ITGA1: variants seen among roughly 807,000 people sequenced by gnomAD.
The protein encoded by ITGA1 is integrin alpha-1.
Under a neutral mutation model 145.9 loss-of-function variants are expected in ITGA1, and 85 were observed. The observed-to-expected ratio is 0.58, with a 90% CI of 0.49 to 0.70. The LOEUF is 0.70. Ranked by LOEUF, ITGA1 falls within the 30% of genes least tolerant of loss-of-function variation. The pLI is 0.00. For synonymous variants in ITGA1, 520 were observed against 495.3 expected (o/e 1.05, Z -0.66); for missense variants, 1,351 against 1,418.7 (o/e 0.95, Z 0.77).
intron 2 of ITGA1, among the ~76,000 whole-genome samples, chr5:52,858,805 T>A (rs138258355): frequency 9.2e-5 from 14 of 152,302 alleles, no homozygotes; most frequent in African/African-American, 3.4e-4. Context: ...TAATAAGAAC[T>A]AACATTTAGA....
At position 52,955,586 on chromosome 5, in the gene ITGA1, AGAAG is replaced by A. The variant is rs1751292786; in HGVS notation, c.*3142_*3145del. 6.6e-6 allele frequency: 1 copy of A among 152,180 alleles called. No homozygotes were observed. Among genetic ancestry groups the A allele is most frequent in the African/African-American group, 2.4e-5 (1 of 41,446 alleles). 9.4% of individuals were successfully genotyped at this position (152,180 alleles called of 1,614,324 possible). A position where few individuals can be genotyped will look rare whatever the true frequency, so the allele number is the denominator to read the frequency against. On this transcript the variant is annotated 3_prime_UTR_variant, in exon 29 of 29. Coordinates refer to ENST00000282588, the MANE Select transcript of ITGA1 (RefSeq NM_181501.2). ...TAATAAAATGTTATGAACTTGCAGGAGAAGGAAGGAGTTGAAAGAAGGAAAATAT... is the reference window on the plus strand; with the variant it reads ...TAATAAAATGTTATGAACTTGCAGGAGAAGGAGTTGAAAGAAGGAAAATAT...
intron 6 of ITGA1, among the ~76,000 whole-genome samples, chr5:52,881,358 C>T (rs539724794): frequency 8.5e-5 from 13 of 152,248 alleles, no homozygotes; most frequent in East Asian, 1.9e-4. Flanking sequence ...CCTGTATGGA[C>T]GCTCTGCCCT....
chr5:52,925,221 T>C (rs73754069), intron 18 of ITGA1, 57 bp from the exon 19 acceptor site: 31,568 of 1,313,194 alleles, frequency 0.024, 1,599 homozygotes, highest in African/African-American at 0.19. Context: ...AATTGATGGG[T>C]AATTTTCAAC....
chr5:52,813,181 A>G (rs1436720001), intron 1 of ITGA1, among the ~76,000 whole-genome samples: 1 of 152,140 alleles, frequency 6.6e-6, no homozygotes, highest in Non-Finnish European at 1.5e-5. Flanking sequence ...GGAGGTCCTG[A>G]CTCTGCTTAT....
At chr5:52,872,562 C>T (rs548607214) in intron 6 of ITGA1, among the ~76,000 whole-genome samples, 1 of 131,612 alleles carries the variant, frequency 7.6e-6, no homozygotes, top group African/African-American at 2.6e-5. Flanking sequence ...TCCCCTTACA[C>T]CCGCCTCAGT....
chr5:52,895,488 CTAAGA>C (rs1750210693), intron 9 of ITGA1, among the ~76,000 whole-genome samples: 1 of 152,052 alleles, frequency 6.6e-6, no homozygotes, highest in African/African-American at 2.4e-5. Context: ...ATAACATGGG[CTAAGA>C]TATGATAGAA....
chr5:52,843,731 A>G (rs919696590), intron 1 of ITGA1, among the ~76,000 whole-genome samples: 26 of 152,184 alleles, frequency 1.7e-4, no homozygotes, highest in Non-Finnish European at 3.1e-4. Flanking sequence ...TTTATTAATC[A>G]GACCAACTCA....
intron 11 of ITGA1, among the ~76,000 whole-genome samples, chr5:52,901,196 G>C (rs911778290): frequency 6.6e-6 from 1 of 152,172 alleles, no homozygotes; most frequent in Admixed American, 6.5e-5. Flanking sequence ...ATGCAGTGTT[G>C]TTGGCTTTAA....
At chr5:52,951,717 G>A (rs7703316) in intron 28 of ITGA1, among the ~76,000 whole-genome samples, 79,361 of 151,730 alleles carry the variant, frequency 0.52, 21,319 homozygotes, top group Middle Eastern at 0.59. Flanking sequence ...TATGGTCATC[G>A]ATCATTTGAT....
At chr5:52,887,480 G>T (rs1254291808) in intron 7 of ITGA1, among the ~76,000 whole-genome samples, 1 of 152,172 alleles carries the variant, frequency 6.6e-6, no homozygotes, top group Non-Finnish European at 1.5e-5. Context: ...GGAGCACCTG[G>T]GGGAGTGTTT....
intron 19 of ITGA1, among the ~76,000 whole-genome samples, chr5:52,925,728 CTG>C (rs1332173715): frequency 5.9e-5 from 9 of 152,120 alleles, no homozygotes; most frequent in African/African-American, 1.9e-4. Flanking sequence ...TGTATAAAAA[CTG>C]TGTGTTTCAT....
rs527897063 is a variant in ITGA1, at chr5:52,868,980, C to A, written c.624+3163C>A. ...GGGTAATAGTGGGGAAGATGACAGA[C>A]AAGGGTGATGCCTTAATGGTGCTTC... On this transcript the variant is annotated intron_variant, in intron 6 of 28. Transcript: ENST00000282588. 8.5e-5 allele frequency among the ~76,000 whole-genome samples: 13 copies of A among 152,250 alleles called. No homozygotes were observed. In the East Asian group the frequency reaches 2.3e-3, roughly 27 times the overall value.
intron 14 of ITGA1, among the ~76,000 whole-genome samples, chr5:52,911,092 T>C (rs1363483390): frequency 4.3e-4 from 58 of 135,786 alleles, no homozygotes; most frequent in African/African-American, 1.5e-3. Flanking sequence ...ATATATAGTG[T>C]ATATATAGTG....
intron 23 of ITGA1, among the ~76,000 whole-genome samples, chr5:52,935,748 A>G (rs1440809509): frequency 6.6e-6 from 1 of 152,230 alleles, no homozygotes. Context: ...CCATAGCATA[A>G]TACATTTTAC....
At chr5:52,890,410 A>G (rs1750127870) in intron 8 of ITGA1, among the ~76,000 whole-genome samples, 1 of 152,202 alleles carries the variant, frequency 6.6e-6, no homozygotes, top group African/African-American at 2.4e-5. Context: ...GTTTTTAAAA[A>G]TTGAAGTGAT....
intron 1 of ITGA1, among the ~76,000 whole-genome samples, chr5:52,825,697 A>G (rs1748949586): frequency 6.6e-6 from 1 of 152,166 alleles, no homozygotes; most frequent in Non-Finnish European, 1.5e-5. Flanking sequence ...ACACAGGCAG[A>G]TCACAAGGTC....
In ITGA1 at chr5:52,944,984, T is replaced by G. The variant is rs1262454761; in HGVS notation, c.3327T>G (p.Leu1109=). Residue 1109 remains leucine, a synonymous_variant, in exon 27 of 29, where the codon CTT becomes CTG. Coordinates refer to ENST00000282588, the MANE Select transcript of ITGA1 (RefSeq NM_181501.2). ...SSLNLTIRGE[L]RSENASLVLS... The stretch of plus-strand genomic sequence containing the variant: ...TAAATCTTACTATAAGGGGAGAACT[T>G]CGGAGTGAAAATGCATCTCTGGTTT... 1 of 1,613,476 alleles carries G rather than the reference T, an allele frequency of 6.2e-7. No individual in the cohort carries two copies. The highest frequency in any genetic ancestry group is 2.2e-5 in the East Asian group (1 of 44,788).
intron 10 of ITGA1, 49 bp from the exon 11 acceptor site, chr5:52,898,190 C>G: frequency 8.1e-7 from 1 of 1,236,870 alleles, no homozygotes; most frequent in South Asian, 1.8e-5. Flanking sequence ...TAAGTATTTC[C>G]CCTTATTATT....
intron 27 of ITGA1, among the ~76,000 whole-genome samples, chr5:52,946,181 T>C (rs1013614944): frequency 6.6e-6 from 1 of 152,212 alleles, no homozygotes; most frequent in African/African-American, 2.4e-5. Flanking sequence ...AAGTCACTGA[T>C]CTTATCTAGA....
Sources: allele counts gnomAD v4.1 joint callset (sites outside exome capture counted in the v4.1 genomes callset), GRCh38; gene constraint gnomAD v4.1.1; transcripts MANE v1.5; gene names NCBI Gene and HGNC (gene_info 2026-07-23, HGNC 2026-07-21).